TANGO6: variants seen among roughly 807,000 people sequenced by gnomAD.
TANGO6 encodes transport and Golgi organization protein 6 homolog.
Under a neutral mutation model 114.2 loss-of-function variants are expected in TANGO6, and 90 were observed. The ratio of observed to expected loss-of-function variants is 0.79; its 90% confidence interval spans 0.66 to 0.94. The LOEUF (loss-of-function observed/expected upper bound fraction) is 0.94, where lower values mean the gene tolerates loss of function less well. TANGO6 is among the 40% of genes least tolerant of loss of function. The probability of loss-of-function intolerance (pLI) is 0.00; values close to 1 mark genes in which losing one functional copy is unlikely to be tolerated. For synonymous variants in TANGO6, 477 were observed against 509.8 expected, an observed-to-expected ratio of 0.94 and a Z score of 0.87; for missense variants, 1,274 against 1,315.3, an observed-to-expected ratio of 0.97 and a Z score of 0.49.
chr16:68,875,341 A>C (rs546000357), intron 5 of TANGO6, 51 bp downstream of exon 5: 1 of 1,585,868 alleles, frequency 6.3e-7, no homozygotes, highest in Non-Finnish European at 8.6e-7. Flanking sequence ...GCTTATTTAC[A>C]GAAAGAGGAC....
In TANGO6 at chr16:69,083,755, G is replaced by T; in HGVS notation, c.*94G>T. The T allele has an allele frequency of 7.2e-7, 1 of 1,386,562 alleles. No homozygotes were observed. The highest frequency in any genetic ancestry group is 9.7e-7 in the Non-Finnish European group (1 of 1,031,468). 85.9% of individuals were successfully genotyped at this position (1,386,562 alleles called of 1,614,324 possible). A position where few individuals can be genotyped will look rare whatever the true frequency, so the allele number is the denominator to read the frequency against. ...CAGGTGGCCCTGCTGCCTCTTGAGT[G>T]CTGGCAGCATGGCTGACCCTCGGGG... On this transcript the variant is annotated 3_prime_UTR_variant, in exon 18 of 18. Transcript: ENST00000261778.
chr16:68,934,564 A>G (rs1025181348), intron 14 of TANGO6, among the ~76,000 whole-genome samples: 1 of 152,142 alleles, frequency 6.6e-6, no homozygotes, highest in African/African-American at 2.4e-5. Flanking sequence ...GAGGCCAAAG[A>G]GTGCAGGAAT....
In TANGO6 at chr16:68,951,612, C is replaced by CTT. The variant is rs869222437; in HGVS notation, c.2701+21334_2701+21335dup. Among the ~76,000 whole-genome samples the CTT allele has an allele frequency of 3.3e-3, 444 of 133,488 alleles. 3 individuals are homozygous for CTT. Among genetic ancestry groups the CTT allele is most frequent in the African/African-American group, 6.6e-3 (235 of 35,866 alleles). The allele number at this position is 133,488 out of a possible 152,430, so 87.6% of individuals were successfully genotyped here. On this transcript the variant is annotated intron_variant, in intron 14 of 17. Transcript: ENST00000261778. ...TTGTCACAACACCATGGCCTCTGTTCTTTTTTTTTTTTTTTTTTGAGACAG... is the reference window on the plus strand; with the variant it reads ...TTGTCACAACACCATGGCCTCTGTTCTTTTTTTTTTTTTTTTTTTTGAGACAG...
intron 3 of TANGO6, among the ~76,000 whole-genome samples, chr16:68,866,781 A>G (rs1048422831): frequency 5.9e-5 from 9 of 152,184 alleles, no homozygotes; most frequent in Admixed American, 5.9e-4. Context: ...TACTAAAAAT[A>G]CAAAAAGTAC....
intron 10 of TANGO6, among the ~76,000 whole-genome samples, chr16:68,908,254 C>G (rs1962878440): frequency 6.6e-6 from 1 of 152,132 alleles, no homozygotes; most frequent in African/African-American, 2.4e-5. Context: ...AGGAGGGAAT[C>G]AGGGCTAACA....
At chr16:68,953,046 A>AT (rs564703176) in intron 14 of TANGO6, among the ~76,000 whole-genome samples, 3 of 105,132 alleles carry the variant, frequency 2.9e-5, no homozygotes, top group African/African-American at 8.3e-5. Flanking sequence ...CTCAACAGGT[A>AT]TTTTTTATTA....
intron 1 of TANGO6, among the ~76,000 whole-genome samples, chr16:68,848,162 A>G (rs1961846038): frequency 6.6e-6 from 1 of 151,986 alleles, no homozygotes; most frequent in African/African-American, 2.4e-5. Flanking sequence ...GTGACTATTC[A>G]CAGAAGTGAT....
intron 15 of TANGO6, among the ~76,000 whole-genome samples, chr16:68,982,556 C>T (rs747341176): frequency 9.9e-5 from 15 of 151,788 alleles, no homozygotes; most frequent in Non-Finnish European, 1.8e-4. Flanking sequence ...TCTCGAACTC[C>T]TCACATCAGA....
intron 16 of TANGO6, among the ~76,000 whole-genome samples, chr16:69,024,895 C>T (rs191648547): frequency 3.3e-5 from 5 of 152,268 alleles, no homozygotes; most frequent in Non-Finnish European, 1.5e-5. Context: ...GCAACCTCCA[C>T]CTTCCAGGTT....
chr16:69,014,342 C>A (rs117139142), intron 15 of TANGO6, among the ~76,000 whole-genome samples: 8,181 of 151,748 alleles, frequency 0.054, 293 homozygotes, highest in Non-Finnish European at 0.075. Flanking sequence ...AAAAAGTTTT[C>A]TGAGAGTCTT....
At chr16:68,902,200 G>A (rs1962794091) in intron 8 of TANGO6, 128 bp from the exon 9 acceptor site, 1 of 807,650 alleles carries the variant, frequency 1.2e-6, no homozygotes, top group Non-Finnish European at 1.9e-6. Context: ...CATTTCAGTA[G>A]TACTAGGAGA....
At chr16:68,900,323 C>G in intron 7 of TANGO6, 111 bp from the exon 8 acceptor site, 1 of 792,766 alleles carries the variant, frequency 1.3e-6, no homozygotes, top group Non-Finnish European at 2.1e-6. Flanking sequence ...TGGTGTGATT[C>G]GGATGAGATA....
chr16:68,968,161 A>G (rs1247999477), intron 14 of TANGO6, among the ~76,000 whole-genome samples: 2 of 151,420 alleles, frequency 1.3e-5, no homozygotes, highest in Non-Finnish European at 2.9e-5. Context: ...CACCTCCTGG[A>G]TTCAAGAGAT....
intron 17 of TANGO6, among the ~76,000 whole-genome samples, chr16:69,060,246 G>A (rs1427207667): frequency 6.6e-6 from 1 of 152,026 alleles, no homozygotes; most frequent in Non-Finnish European, 1.5e-5. Context: ...TTGAACTCCT[G>A]GGCTCAAGTG....
Position 68,868,093 on chromosome 16 carries a change from A to G in TANGO6, c.994+873A>G, listed in dbSNP as rs117285589. ...CAGGAGTTCGAGGCTATAGTGAGCC[A>G]TGATCATGGCACTGCATTCCAGCCT... On this transcript the variant is annotated intron_variant, in intron 4 of 17. Transcript: ENST00000261778. 6.8e-3 allele frequency: 1,024 copies of G among 151,682 alleles called. 6 individuals carry two copies. Among genetic ancestry groups the G allele is most frequent in the Middle Eastern group, 0.014 (4 of 294 alleles). 9.4% of individuals were successfully genotyped at this position (151,682 alleles called of 1,614,324 possible).
chr16:68,979,415 A>G (rs1371553748), intron 15 of TANGO6, among the ~76,000 whole-genome samples: 1 of 151,926 alleles, frequency 6.6e-6, no homozygotes, highest in Non-Finnish European at 1.5e-5. Flanking sequence ...TTTTTAGTAG[A>G]GATGGGGTTT....
At chr16:68,901,848 A>C (rs1263120492) in intron 8 of TANGO6, among the ~76,000 whole-genome samples, 1 of 152,192 alleles carries the variant, frequency 6.6e-6, no homozygotes, top group East Asian at 1.9e-4. Context: ...TCAGAGACTG[A>C]CAAGGAACAT....
chr16:69,018,842 G>A (rs578183801), intron 15 of TANGO6, among the ~76,000 whole-genome samples: 7 of 152,124 alleles, frequency 4.6e-5, no homozygotes, highest in Admixed American at 2.6e-4. Context: ...CCCGGGAGGC[G>A]GAGCTTGCAG....
chr16:69,067,558 G>A (rs1220617463), intron 17 of TANGO6, among the ~76,000 whole-genome samples: 1 of 143,298 alleles, frequency 7.0e-6, no homozygotes, highest in Non-Finnish European at 1.5e-5. Context: ...CGTGGCACAC[G>A]CCTATAATCC....
Sources: gnomAD v4.1 joint callset for allele counts (sites outside exome capture counted in the v4.1 genomes callset) on GRCh38, gnomAD v4.1.1 for gene constraint, MANE v1.5 for transcripts, NCBI Gene and HGNC (gene_info 2026-07-23, HGNC 2026-07-21) for gene names.